The following NAT10 variants were observed in gnomAD, a reference collection of about 807,000 sequenced individuals.
NAT10 encodes RNA cytidine acetyltransferase.
NAT10 carries 109 observed loss-of-function variants against 132.2 expected under a neutral mutation model. That is an observed-to-expected ratio of 0.82 (90% CI 0.71 to 0.97). The LOEUF (loss-of-function observed/expected upper bound fraction) is 0.97. NAT10 is among the 50% of genes least tolerant of loss of function. The probability of loss-of-function intolerance (pLI) is 0.00; values close to 1 mark genes in which losing one functional copy is unlikely to be tolerated. For synonymous variants in NAT10, 479 were observed against 478.0 expected (o/e 1.00, Z -0.03); for missense variants, 1,184 against 1,263.4 (o/e 0.94, Z 0.95).
intron 19 of NAT10, 67 bp downstream of exon 19, chr11:34,135,358 G>A (rs1852189696): frequency 7.3e-7 from 1 of 1,375,474 alleles, no homozygotes; most frequent in South Asian, 1.2e-5. Context: ...GGTTTTTAGG[G>A]GCATCAACAA....
At position 34,113,794 on chromosome 11, in the gene NAT10, C is replaced by G; in HGVS notation, c.451C>G (p.Leu151Val). 6 of 1,614,120 alleles carry G rather than the reference C, an allele frequency of 3.7e-6. No individual in the cohort carries two copies. Among genetic ancestry groups the G allele is most frequent in the Non-Finnish European group, 5.1e-6 (6 of 1,179,992 alleles). Residue 151 changes from leucine to valine, a missense_variant, in exon 5 of 29, where the codon CTA (leucine) becomes GTA (valine). Leu to Val is a conservative substitution (Grantham distance 32). Transcript: ENST00000257829. ...VEGGGLVVIL[L>V]RTMNSLKQLY... Reference sequence around the variant, plus strand: ...AGGTGGTGGGCTAGTGGTCATCCTCCTACGGACCATGAACTCACTCAAGCA... The same window carrying G: ...AGGTGGTGGGCTAGTGGTCATCCTCGTACGGACCATGAACTCACTCAAGCA...
chr11:34,130,349 C>T (rs890563118), intron 12 of NAT10, among the ~76,000 whole-genome samples: 1 of 152,204 alleles, frequency 6.6e-6, no homozygotes, highest in African/African-American at 2.4e-5. Context: ...GAAATGTTCT[C>T]AGTTCATTTC....
intron 6 of NAT10, among the ~76,000 whole-genome samples, chr11:34,117,225 GA>G (rs1221460461): frequency 6.6e-6 from 1 of 152,108 alleles, no homozygotes; most frequent in Non-Finnish European, 1.5e-5. Context: ...TTATTTTTTT[GA>G]GGGGTGTGGG....
At chr11:34,132,371 A>G in intron 15 of NAT10, 150 bp downstream of exon 15, 1 of 704,154 alleles carries the variant, frequency 1.4e-6, no homozygotes. Flanking sequence ...TGCTGTGTGT[A>G]GGTATAGAGC....
intron 6 of NAT10, 38 bp downstream of exon 6, chr11:34,115,922 A>G (rs981171935): frequency 1.3e-6 from 2 of 1,599,878 alleles, no homozygotes; most frequent in Non-Finnish European, 1.7e-6. Context: ...GGGCAGCCAC[A>G]TTGGGAGGGA....
At chr11:34,106,374 T>C (rs1279068180) in intron 1 of NAT10, among the ~76,000 whole-genome samples, 2 of 151,846 alleles carry the variant, frequency 1.3e-5, no homozygotes, top group Non-Finnish European at 2.9e-5. Context: ...CTTCAGCCCA[T>C]AGTAATCTCA....
At chr11:34,132,330 C>G in intron 15 of NAT10, 109 bp downstream of exon 15, 1 of 883,762 alleles carries the variant, frequency 1.1e-6, no homozygotes, top group Admixed American at 1.8e-5. Flanking sequence ...GGTGACTGTT[C>G]CATTGGGACA....
chr11:34,119,330 C>A (rs1287567401), intron 8 of NAT10, among the ~76,000 whole-genome samples: 1 of 152,202 alleles, frequency 6.6e-6, no homozygotes, highest in Non-Finnish European at 1.5e-5. Context: ...GGGTCGCTGC[C>A]CTTGAGAGGG....
In NAT10 at chr11:34,141,448, ACACG is replaced by A. The variant is rs1463952240; in HGVS notation, c.2712+241_2712+244del. ...CACACACACACACACACACACACAC[ACACG>A]TGCGCGCGCAAATACAGGACTTCAG... On this transcript the variant is annotated intron_variant, in intron 25 of 28. Transcript: ENST00000257829. Among the ~76,000 whole-genome samples the A allele has an allele frequency of 2.5e-4, 35 of 139,100 alleles. 1 individual carries two copies. The highest frequency in any genetic ancestry group is 5.4e-4 in the Non-Finnish European group (33 of 61,146). The allele number at this position is 139,100 out of a possible 152,430, so 91.3% of individuals were successfully genotyped here. A position where few individuals can be genotyped will look rare whatever the true frequency, so the allele number is the denominator to read the frequency against.
chr11:34,141,407 A>ATCTC (rs566260255), intron 25 of NAT10, among the ~76,000 whole-genome samples, 199 bp downstream of exon 25: 27 of 81,104 alleles, frequency 3.3e-4, no homozygotes, highest in Admixed American at 9.3e-4. Context: ...CTCATCACAC[A>ATCTC]TCACACACAC....
At chr11:34,132,920 T>C (rs1003455396) in intron 15 of NAT10, 106 bp from the exon 16 acceptor site, 1 of 869,898 alleles carries the variant, frequency 1.1e-6, no homozygotes, top group African/African-American at 1.6e-5. Flanking sequence ...CTCACTTGGC[T>C]TTGGAGAAGG....
chr11:34,111,950 C>G, intron 3 of NAT10, 102 bp from the exon 4 acceptor site: 1 of 1,396,388 alleles, frequency 7.2e-7, no homozygotes, highest in East Asian at 2.4e-5. Flanking sequence ...CCTACTAGCT[C>G]TGAAAGTCTA....
In NAT10 at chr11:34,122,037, G is replaced by A. The variant is rs530034144; in HGVS notation, c.781-422G>A. ...CTAAAAATATAAAAACTAGCTGGGC[G>A]TGGTGGCAAGCGCCTGTAATCTCAG... On this transcript the variant is annotated intron_variant, in intron 8 of 28. Coordinates refer to ENST00000257829, the MANE Select transcript of NAT10 (RefSeq NM_024662.3). Among the ~76,000 whole-genome samples, 175 of 151,744 alleles carry A rather than the reference G, an allele frequency of 1.2e-3. 1 individual carries two copies. Among genetic ancestry groups the A allele is most frequent in the Non-Finnish European group, 1.2e-3 (82 of 67,918 alleles).
chr11:34,135,211 A>G lies in NAT10; in HGVS notation c.1948A>G (p.Met650Val), dbSNP rs781586743. 4 of 1,614,032 alleles carry G rather than the reference A, an allele frequency of 2.5e-6. No homozygotes were observed. The highest frequency in any genetic ancestry group is 3.4e-6 in the Non-Finnish European group (4 of 1,180,030). The change falls in exon 19 of 29, where the codon ATG becomes GTG. Residue 650 changes from methionine to valine, a missense_variant. By Grantham distance (21) the Met-to-Val change is conservative. Transcript: ENST00000257829. Reference sequence around the variant, plus strand: ...CAGCCGTGCTCTGCAGCTGCTGCAGATGTACTATGAAGGCAGGTTTCCTTG... The same window carrying G: ...CAGCCGTGCTCTGCAGCTGCTGCAGGTGTACTATGAAGGCAGGTTTCCTTG... ...YGSRALQLLQ[M>V]YYEGRFPCLE... is the part of the protein sequence containing the mutation.
At chr11:34,108,418 TA>T (rs1851633802) in intron 2 of NAT10, 85 bp downstream of exon 2, 2 of 1,094,516 alleles carry the variant, frequency 1.8e-6, no homozygotes, top group South Asian at 2.6e-5. Context: ...TTTCAGGACA[TA>T]ATGGCATTAA....
chr11:34,142,668 A>G (rs960076819), intron 27 of NAT10, among the ~76,000 whole-genome samples: 3 of 152,152 alleles, frequency 2.0e-5, no homozygotes, highest in African/African-American at 7.2e-5. Context: ...TACTTACTCT[A>G]TTTGGCTTTT....
rs200365213 is a variant in NAT10, at chr11:34,133,078, T to A, written c.1670T>A (p.Phe557Tyr). The change falls in exon 16 of 29, where the codon TTC (phenylalanine) becomes TAC (tyrosine). Residue 557 changes from phenylalanine (F) to tyrosine (Y), a missense_variant. By Grantham distance (22) the Phe-to-Tyr change is conservative. Transcript: ENST00000257829. ...TCCGATGCACCTGCTCACCATCTCT[T>A]CTGCCTTCTGCCTCCCGTGCCCCCC... The part of the protein sequence containing the change: ...MLSDAPAHHL[F>Y]CLLPPVPPTQ... 4 of 1,614,202 alleles carry A rather than the reference T, an allele frequency of 2.5e-6. No homozygotes were observed. In the Admixed American group the frequency reaches 5.0e-5, roughly 20 times the overall value.
intron 25 of NAT10, 74 bp downstream of exon 25, chr11:34,141,282 G>A: frequency 6.3e-7 from 1 of 1,594,338 alleles, no homozygotes; most frequent in Non-Finnish European, 8.6e-7. Flanking sequence ...CTCCCGAGAT[G>A]AACACATGTT....
intron 23 of NAT10, 48 bp from the exon 24 acceptor site, chr11:34,140,352 G>A: frequency 3.2e-6 from 5 of 1,571,294 alleles, no homozygotes; most frequent in Non-Finnish European, 4.3e-6. Context: ...GCTATCTCAT[G>A]AGGGCGCCGG....
Sources: gnomAD v4.1 joint callset for allele counts (sites outside exome capture counted in the v4.1 genomes callset) on GRCh38, gnomAD v4.1.1 for gene constraint, MANE v1.5 for transcripts, NCBI Gene and HGNC (gene_info 2026-07-23, HGNC 2026-07-21) for gene names.